Variants in SORCS2 observed in about 807,000 individuals in gnomAD.
The protein encoded by SORCS2 is sortilin related VPS10 domain containing receptor 2.
In SORCS2, 100 loss-of-function variants were observed where a neutral mutation model predicts 141.6. That is an observed-to-expected ratio of 0.71 (90% CI 0.60 to 0.83). SORCS2 has a LOEUF of 0.83. Among genes scored for constraint, SORCS2 ranks in the 40% least tolerant of loss-of-function variants. The pLI is 0.00. For missense variants in SORCS2, 1,646 were observed against 1,560.2 expected (o/e 1.05, Z -0.93); for synonymous variants, 789 against 676.9 (o/e 1.17, Z -2.57).
intron 3 of SORCS2, among the ~76,000 whole-genome samples, chr4:7,631,047 CTTTTT>C (rs11356756): frequency 1.6e-4 from 21 of 131,376 alleles, no homozygotes; most frequent in Admixed American, 4.6e-4. Flanking sequence ...TTTTCCTTTT[CTTTTT>C]TTTTTTTTTT....
chr4:7,282,226 T>C (rs1275617980), intron 1 of SORCS2, among the ~76,000 whole-genome samples: 1 of 152,236 alleles, frequency 6.6e-6, no homozygotes, highest in Non-Finnish European at 1.5e-5. Context: ...CTCTGGCCTA[T>C]GGGGCCTTTG....
intron 2 of SORCS2, among the ~76,000 whole-genome samples, chr4:7,412,199 G>C (rs1358547214): frequency 2.0e-5 from 3 of 152,206 alleles, no homozygotes; most frequent in African/African-American, 4.8e-5. Flanking sequence ...CCCTGGTGTT[G>C]TGTGCCACCC....
At chr4:7,729,310 T>G (rs1026521769) in intron 22 of SORCS2, among the ~76,000 whole-genome samples, 6 of 152,012 alleles carry the variant, frequency 3.9e-5, no homozygotes, top group Non-Finnish European at 7.4e-5. Flanking sequence ...AGTCATGGTC[T>G]GAAGAATGGA....
chr4:7,351,881 C>G (rs1263023342), intron 1 of SORCS2, among the ~76,000 whole-genome samples: 1 of 152,186 alleles, frequency 6.6e-6, no homozygotes, highest in Non-Finnish European at 1.5e-5. Flanking sequence ...ATCCATTCAC[C>G]CACTTGTCCA....
Position 7,716,607 on chromosome 4 carries a change from A to G in SORCS2, c.2252+1296A>G, listed in dbSNP as rs115082879. 7.4e-3 allele frequency among the ~76,000 whole-genome samples: 1,127 copies of G among 151,852 alleles called. 11 individuals carry two copies. The highest frequency in any genetic ancestry group is 0.025 in the African/African-American group (1,036 of 41,432). On this transcript the variant is annotated intron_variant, in intron 17 of 26. Coordinates refer to ENST00000507866, the MANE Select transcript of SORCS2 (RefSeq NM_020777.3). ...CTATCTACCCATCAATTCATCCACT[A>G]TCCACCCACCCATCTGTCCATCCAT...
chr4:7,270,808 A>G (rs545223107), intron 1 of SORCS2, among the ~76,000 whole-genome samples: 18 of 152,206 alleles, frequency 1.2e-4, no homozygotes, highest in Non-Finnish European at 1.8e-4. Flanking sequence ...AAAACACTTT[A>G]TTTTTCTGAG....
rs1560491052 is a variant in SORCS2, at chr4:7,695,940, G to GGATGGATGGA, written c.1592-1258_1592-1257insGATGGATGGA. On this transcript the variant is annotated intron_variant, in intron 11 of 26. Transcript: ENST00000507866. ...GATGGATGGATTGGTGGGTGGGTGG[G>GGATGGATGGA]TGGATGGATGGATGGATGGATGGAT... Among the ~76,000 whole-genome samples, 546 of 88,576 alleles carry GGATGGATGGA rather than the reference G, an allele frequency of 6.2e-3. 24 individuals are homozygous for GGATGGATGGA. Among genetic ancestry groups the GGATGGATGGA allele is most frequent in the African/African-American group, 0.014 (309 of 22,704 alleles). 58.1% of individuals were successfully genotyped at this position (88,576 alleles called of 152,430 possible). A position where few individuals can be genotyped will look rare whatever the true frequency, so the allele number is the denominator to read the frequency against.
chr4:7,304,618 T>G (rs1462522249), intron 1 of SORCS2, among the ~76,000 whole-genome samples: 1 of 152,152 alleles, frequency 6.6e-6, no homozygotes, highest in East Asian at 1.9e-4. Context: ...TTCTTAGCCC[T>G]CGATTCTTCC....
intron 1 of SORCS2, among the ~76,000 whole-genome samples, chr4:7,256,650 G>A (rs141674098): frequency 1.3e-5 from 2 of 151,746 alleles, no homozygotes; most frequent in African/African-American, 2.4e-5. Context: ...CCCAAATCTC[G>A]GATGCGAACG....
At chr4:7,364,536 G>T (rs977889670) in intron 1 of SORCS2, among the ~76,000 whole-genome samples, 1 of 152,142 alleles carries the variant, frequency 6.6e-6, no homozygotes, top group East Asian at 1.9e-4. Flanking sequence ...CCTGTTTCTG[G>T]GCAGTCTCCT....
At position 7,654,175 on chromosome 4, in the gene SORCS2, G is replaced by T. The variant is rs772746162; in HGVS notation, c.855G>T (p.Leu285=). The change falls in exon 5 of 27, where the codon CTG becomes CTT. Residue 285 remains leucine (L), a synonymous_variant. Coordinates refer to ENST00000507866, the MANE Select transcript of SORCS2 (RefSeq NM_020777.3). The part of the protein sequence containing the change: ...SSDLGKKWTL[L]QERVTKDHVF... ...ACTTGGGGAAAAAGTGGACACTTCT[G>T]CAAGAGCGAGTGACCAAAGACCACG... 33 of 1,582,968 alleles carry T rather than the reference G, an allele frequency of 2.1e-5. No homozygotes were observed. Among genetic ancestry groups the T allele is most frequent in the Non-Finnish European group, 2.7e-5 (31 of 1,163,154 alleles).
intron 2 of SORCS2, among the ~76,000 whole-genome samples, chr4:7,457,737 C>G (rs1376356241): frequency 2.0e-5 from 3 of 152,252 alleles, no homozygotes; most frequent in Admixed American, 2.0e-4. Context: ...TGGTTCACAC[C>G]AGGAACAGCA....
chr4:7,281,223 C>T (rs200680449), intron 1 of SORCS2, among the ~76,000 whole-genome samples: 2 of 152,058 alleles, frequency 1.3e-5, no homozygotes, highest in Non-Finnish European at 2.9e-5. Flanking sequence ...GTCACTCTTG[C>T]CACAGCCGTG....
intron 2 of SORCS2, among the ~76,000 whole-genome samples, chr4:7,449,579 G>C (rs1318307973): frequency 1.3e-5 from 2 of 151,586 alleles, no homozygotes; most frequent in Non-Finnish European, 2.9e-5. Context: ...ACCAGGTTCA[G>C]GATGCACCTG....
intron 9 of SORCS2, 36 bp downstream of exon 9, chr4:7,676,265 C>T (rs908929771): frequency 4.2e-5 from 65 of 1,541,594 alleles, no homozygotes; most frequent in African/African-American, 8.2e-5. Flanking sequence ...GGTCTGCCGC[C>T]GACCCCCTGC....
chr4:7,340,038 A>G (rs1325543962), intron 1 of SORCS2, among the ~76,000 whole-genome samples: 1 of 152,220 alleles, frequency 6.6e-6, no homozygotes, highest in East Asian at 1.9e-4. Flanking sequence ...GAGGCCACGT[A>G]TGAAGGGCCT....
At chr4:7,512,386 A>T (rs1462240622) in intron 2 of SORCS2, among the ~76,000 whole-genome samples, 1 of 116,258 alleles carries the variant, frequency 8.6e-6, no homozygotes, top group Non-Finnish European at 1.7e-5. Context: ...GGGAAGAAGG[A>T]GGGAAGAAGG....
intron 1 of SORCS2, among the ~76,000 whole-genome samples, chr4:7,249,631 A>G (rs897662662): frequency 2.0e-5 from 3 of 152,162 alleles, no homozygotes; most frequent in Admixed American, 1.3e-4. Context: ...CCTCTGTGAC[A>G]TCCTGGTAGA....
intron 4 of SORCS2, among the ~76,000 whole-genome samples, chr4:7,640,518 G>A (rs1720661422): frequency 6.6e-6 from 1 of 151,396 alleles, no homozygotes; most frequent in Non-Finnish European, 1.5e-5. Flanking sequence ...GTGTGTGAGT[G>A]TATGTGGACG....
Sources: allele counts gnomAD v4.1 joint callset (sites outside exome capture counted in the v4.1 genomes callset), GRCh38; gene constraint gnomAD v4.1.1; transcripts MANE v1.5; gene names NCBI Gene and HGNC (gene_info 2026-07-23, HGNC 2026-07-21).